Variants in MAPK8IP3 observed in about 807,000 individuals in gnomAD.
MAPK8IP3 encodes mitogen-activated protein kinase 8 interacting protein 3, also known as C-Jun-amino-terminal kinase-interacting protein 3.
In MAPK8IP3, 49 loss-of-function variants were observed where a neutral mutation model predicts 157.8. That is an observed-to-expected ratio of 0.31 (90% CI 0.25 to 0.39). The LOEUF is 0.39. Among genes scored for constraint, MAPK8IP3 ranks in the 10% least tolerant of loss-of-function variants. The pLI is 1.00. For synonymous variants in MAPK8IP3, 897 were observed against 777.7 expected, an observed-to-expected ratio of 1.15 and a Z score of -2.55; for missense variants, 1,478 against 1,889.4, an observed-to-expected ratio of 0.78 and a Z score of 4.04.
intron 2 of MAPK8IP3, among the ~76,000 whole-genome samples, chr16:1,725,223 C>G (rs1392828278): frequency 6.6e-6 from 1 of 150,672 alleles, no homozygotes; most frequent in African/African-American, 2.4e-5. Context: ...AAAGTCTTTG[C>G]TTAAACTCTA....
chr16:1,739,264 G>T (rs2040419362), intron 4 of MAPK8IP3, among the ~76,000 whole-genome samples: 1 of 123,198 alleles, frequency 8.1e-6, no homozygotes, highest in Non-Finnish European at 1.7e-5. Context: ...GAGCATCTGT[G>T]TGACCGTCCG....
At chr16:1,707,933 C>T (rs1387634147) in intron 1 of MAPK8IP3, 1 of 152,070 alleles carries the variant, frequency 6.6e-6, no homozygotes. Context: ...GATTTATGGC[C>T]TAGTTTGGTT....
chr16:1,769,090 G>A lies in MAPK8IP3; in HGVS notation c.*266G>A, dbSNP rs2042462385. Reference sequence around the variant, plus strand: ...GCTCCTGGCCAGCTTCCAGCCCAGAGTCCTCAAGTCCAGGGCACCTTGGGC... The same window carrying A: ...GCTCCTGGCCAGCTTCCAGCCCAGAATCCTCAAGTCCAGGGCACCTTGGGC... On this transcript the variant is annotated 3_prime_UTR_variant, in exon 32 of 32. Transcript: ENST00000610761. The A allele has an allele frequency of 1.9e-6, 1 of 513,502 alleles. No individual in the cohort carries two copies. Among genetic ancestry groups the A allele is most frequent in the South Asian group, 2.1e-5 (1 of 47,632 alleles). 31.8% of individuals were successfully genotyped at this position (513,502 alleles called of 1,614,324 possible).
intron 4 of MAPK8IP3, among the ~76,000 whole-genome samples, chr16:1,732,480 A>G (rs1006770854): frequency 6.6e-6 from 1 of 152,244 alleles, no homozygotes; most frequent in African/African-American, 2.4e-5. Flanking sequence ...CGTGAGAGCA[A>G]ATGCACGGTG....
chr16:1,739,993 TCC>T, intron 4 of MAPK8IP3, among the ~76,000 whole-genome samples: 2 of 126,740 alleles, frequency 1.6e-5, no homozygotes, highest in Non-Finnish European at 1.6e-5. Flanking sequence ...CGTGTGAGCA[TCC>T]GTGTGACCAT....
At chr16:1,756,623 AACACACAC>A (rs60461442) in intron 8 of MAPK8IP3, among the ~76,000 whole-genome samples, 6,327 of 135,668 alleles carry the variant, frequency 0.047, 188 homozygotes, top group East Asian at 0.11. Flanking sequence ...TTTTTACTAA[AACACACAC>A]ACACACACAC....
chr16:1,733,074 C>G (rs972322837), intron 4 of MAPK8IP3, among the ~76,000 whole-genome samples: 1 of 152,232 alleles, frequency 6.6e-6, no homozygotes, highest in Non-Finnish European at 1.5e-5. Flanking sequence ...GAATTAAAAT[C>G]GAACCTGGAC....
rs781430042 is a variant in MAPK8IP3, at chr16:1,766,709, G to A, written c.2940-14G>A. The A allele has an allele frequency of 3.7e-5, 60 of 1,612,558 alleles. No homozygotes were observed. The highest frequency in any genetic ancestry group is 1.6e-4 in the Middle Eastern group (1 of 6,082). Reference sequence around the variant, plus strand: ...CTGGGTGAGCCCCTCGCCCATCGCCGCTTCCTTCCCTAGGCTCTATGTGCA... The same window carrying A: ...CTGGGTGAGCCCCTCGCCCATCGCCACTTCCTTCCCTAGGCTCTATGTGCA... On this transcript the variant is annotated splice_polypyrimidine_tract_variant and intron_variant, in intron 23 of 31. Transcript: ENST00000610761.
At position 1,766,513 on chromosome 16, in the gene MAPK8IP3, A is replaced by G; in HGVS notation, c.2820-16A>G. The G allele has an allele frequency of 6.2e-7, 1 of 1,609,970 alleles. No individual in the cohort carries two copies. The highest frequency in any genetic ancestry group is 1.1e-5 in the South Asian group (1 of 91,016). On this transcript the variant is annotated splice_polypyrimidine_tract_variant and intron_variant, in intron 22 of 31. Coordinates refer to ENST00000610761, the MANE Select transcript of MAPK8IP3 (RefSeq NM_001318852.2). ...GTGCTCCGTGGCCCCCCCTGGAGCC[A>G]CCGTTCTTCCTGCAGCGAGAACGGG...
intron 1 of MAPK8IP3, among the ~76,000 whole-genome samples, chr16:1,721,199 G>A (rs938397597): frequency 6.6e-6 from 1 of 151,728 alleles, no homozygotes; most frequent in South Asian, 2.1e-4. Context: ...TGGATGTGGT[G>A]GCGCATGCCT....
rs199824890 is a variant in MAPK8IP3 at position 1,761,239 on chromosome 16, C to T, written c.1473C>T (p.Ala491=). 2,401 of 1,613,660 alleles carry T rather than the reference C, an allele frequency of 1.5e-3. 4 individuals are homozygous for T. Among genetic ancestry groups the T allele is most frequent in the Non-Finnish European group, 1.9e-3 (2,224 of 1,179,974 alleles). ...CTTCCCACAGAGTGAAGTCCGAGGC[C>T]ATCATCGCCCGCCGTGAACCCAAAG... The part of the protein sequence containing the change: ...EEELKRVKSE[A]IIARREPKEE... Residue 491 remains alanine (A), a synonymous_variant, in exon 13 of 32, where the codon GCC becomes GCT. Coordinates refer to ENST00000610761, the MANE Select transcript of MAPK8IP3 (RefSeq NM_001318852.2).
chr16:1,743,622 A>C lies in MAPK8IP3; in HGVS notation c.747+146A>C. On this transcript the variant is annotated intron_variant, in intron 5 of 31. Transcript: ENST00000610761. This position sits in a 1 kb window ranked among gnomAD's most constrained non-coding sequence, Gnocchi z 5.6. ...CCTTCGTGTGTGGCAGGATGGAGAAACCCAGCCAGGGTGTCAGGGGCTCAG... is the reference window on the plus strand; with the variant it reads ...CCTTCGTGTGTGGCAGGATGGAGAACCCCAGCCAGGGTGTCAGGGGCTCAG... 2.1e-6 allele frequency: 3 copies of C among 1,447,946 alleles called. No homozygotes were observed. The highest frequency in any genetic ancestry group is 2.7e-6 in the Non-Finnish European group (3 of 1,108,030). The allele number at this position is 1,447,946 out of a possible 1,614,324, so 89.7% of individuals were successfully genotyped here.
At chr16:1,736,579 TGAGC>T (rs2039867506) in intron 4 of MAPK8IP3, among the ~76,000 whole-genome samples, 1 of 79,308 alleles carries the variant, frequency 1.3e-5, no homozygotes, top group African/African-American at 4.9e-5. Context: ...ACCGTCCGTG[TGAGC>T]GTGTGACCAT....
chr16:1,725,133 G>A (rs913240747), intron 2 of MAPK8IP3, among the ~76,000 whole-genome samples: 6 of 149,882 alleles, frequency 4.0e-5, no homozygotes, highest in African/African-American at 7.4e-5. Flanking sequence ...CCTGCAAGGC[G>A]AAGTAGCAGA....
At chr16:1,707,179 T>C (rs2037458389) in intron 1 of MAPK8IP3, 1 of 154,286 alleles carries the variant, frequency 6.5e-6, no homozygotes, top group Non-Finnish European at 1.4e-5. Context: ...AAGGAATCTT[T>C]TGGTGTTCTT....
intron 4 of MAPK8IP3, among the ~76,000 whole-genome samples, chr16:1,737,306 ATCT>A: frequency 3.2e-5 from 2 of 62,032 alleles, no homozygotes; most frequent in African/African-American, 1.4e-4. Flanking sequence ...CCATGTGAGC[ATCT>A]GTGTGACCGT....
intron 1 of MAPK8IP3, chr16:1,707,617 A>G (rs11860440): frequency 0.35 from 53,548 of 152,044 alleles, 12,505 homozygotes; most frequent in African/African-American, 0.66. Flanking sequence ...TGGGCCCAGA[A>G]CCTCGCCCTT....
chr16:1,747,015 G>T lies in MAPK8IP3; in HGVS notation c.748-14G>T. 6.2e-7 allele frequency: 1 copy of T among 1,612,410 alleles called. No homozygotes were observed. The highest frequency in any genetic ancestry group is 8.5e-7 in the Non-Finnish European group (1 of 1,179,092). Reference sequence around the variant, plus strand: ...CAGTGACTCGCTCTCCCTCCTCCCTGTGTTTGGCCTTAGTGTCCACAGGAT... The same window carrying T: ...CAGTGACTCGCTCTCCCTCCTCCCTTTGTTTGGCCTTAGTGTCCACAGGAT... On this transcript the variant is annotated splice_polypyrimidine_tract_variant and intron_variant, in intron 5 of 31. Transcript: ENST00000610761.
chr16:1,751,667 T>C lies in MAPK8IP3; in HGVS notation c.1216+2947T>C, dbSNP rs367569364. Reference sequence around the variant, plus strand: ...AGCATGCTCGGTGTTGACAGTCACATCGTCTTCACCCCCAAAAGGAAACCC... The same window carrying C: ...AGCATGCTCGGTGTTGACAGTCACACCGTCTTCACCCCCAAAAGGAAACCC... On this transcript the variant is annotated intron_variant, in intron 8 of 31. Coordinates refer to ENST00000610761, the MANE Select transcript of MAPK8IP3 (RefSeq NM_001318852.2). This position sits in a 1 kb window ranked among gnomAD's most constrained non-coding sequence, Gnocchi z 5.0. The C allele has an allele frequency of 5.8e-4, 89 of 152,346 alleles. No individual in the cohort carries two copies. The highest frequency in any genetic ancestry group is 2.1e-3 in the African/African-American group (86 of 41,560). 9.4% of individuals were successfully genotyped at this position (152,346 alleles called of 1,614,324 possible).
Sources: gnomAD v4.1 joint callset for allele counts (sites outside exome capture counted in the v4.1 genomes callset) on GRCh38, gnomAD v4.1.1 for gene constraint, Gnocchi (gnomAD v3.1) non-coding constraint, MANE v1.5 for transcripts, NCBI Gene and HGNC (gene_info 2026-07-23, HGNC 2026-07-21) for gene names.